The following TPM1 variants were observed in gnomAD, a reference collection of about 807,000 sequenced individuals.
The protein encoded by TPM1 is tropomyosin 1, also known as tropomyosin alpha-1 chain.
TPM1 carries 24 observed loss-of-function variants against 42.9 expected under a neutral mutation model. That is an observed-to-expected ratio of 0.56 (90% confidence interval 0.41 to 0.79). TPM1 has a LOEUF of 0.79. TPM1 is among the 30% of genes least tolerant of loss of function. The pLI, the probability that TPM1 is intolerant of heterozygous loss-of-function variation, is 0.00. For missense variants in TPM1, 158 were observed against 351.8 expected (o/e 0.45, Z 4.41); for synonymous variants, 136 against 130.1 (o/e 1.05, Z -0.31).
rs1018211120 is a variant in TPM1 at position 63,062,740 on chromosome 15, G to A, written c.772+95G>A. The A allele has an allele frequency of 5.6e-6, 9 of 1,598,582 alleles. No homozygotes were observed. In the East Asian group the frequency reaches 6.9e-5, roughly 12 times the overall value. On this transcript the variant is annotated intron_variant, in intron 8 of 9. Transcript: ENST00000403994. ...AATTCAAGGGCATCCACATTGATAC[G>A]CTCCTTTGCACTTGCACATTCTTCC...
intron 7 of TPM1, 95 bp from the exon 8 acceptor site, chr15:63,062,481 G>A: frequency 6.9e-7 from 1 of 1,439,040 alleles, no homozygotes; most frequent in Admixed American, 1.7e-5. Context: ...CATTTTATAG[G>A]TGATGTGCTT....
intron 4 of TPM1, among the ~76,000 whole-genome samples, 178 bp from the exon 5 acceptor site, chr15:63,060,688 TCTC>T (rs554457433): frequency 8.2e-4 from 125 of 152,318 alleles, no homozygotes; most frequent in African/African-American, 2.9e-3. Context: ...AAGCCTCTGA[TCTC>T]CTCTCTGCTG....
chr15:63,064,147 ACG>A lies in TPM1; in HGVS notation c.851+6_851+7del. 6.2e-7 allele frequency: 1 copy of A among 1,613,298 alleles called. No individual in the cohort carries two copies. Among genetic ancestry groups the A allele is most frequent in the Admixed American group, 1.7e-5 (1 of 59,928 alleles). ...TCTCAACGATATGACTTCCATGTAA[ACG>A]TTCATCCACTCTGCCTGCTTACACC... On this transcript the variant is annotated splice_donor_region_variant and intron_variant, in intron 9 of 9. Transcript: ENST00000403994.
chr15:63,050,860 G>C (rs1247699069), intron 2 of TPM1, among the ~76,000 whole-genome samples: 1 of 152,200 alleles, frequency 6.6e-6, no homozygotes, highest in Non-Finnish European at 1.5e-5. Flanking sequence ...TGGCAGCAAA[G>C]ATAAAGGTTT....
Position 63,060,849 on chromosome 15 carries a change from G to A in TPM1, c.493-20G>A. On this transcript the variant is annotated intron_variant, in intron 4 of 9. Transcript: ENST00000403994. ...AGCTTGCAAGACCCATGGTGTGTGT[G>A]TTGTGTCTTCCTGCTGCAGGTGGCC... is the stretch of plus-strand genomic sequence containing the variant. 6.2e-7 allele frequency: 1 copy of A among 1,614,112 alleles called. No individual in the cohort carries two copies. The highest frequency in any genetic ancestry group is 8.5e-7 in the Non-Finnish European group (1 of 1,179,950).
At chr15:63,064,525 A>C in intron 9 of TPM1, 1 of 1,091,908 alleles carries the variant, frequency 9.2e-7, no homozygotes, top group Non-Finnish European at 1.1e-6. Flanking sequence ...AAATTCAACT[A>C]AGTACAACAT....
downstream of TPM1, among the ~76,000 whole-genome samples, chr15:63,068,679 G>T (rs146395474): frequency 8.3e-3 from 1,257 of 152,268 alleles, 8 homozygotes; most frequent in South Asian, 0.022. Context: ...TCATAGCTTG[G>T]ATGTCCCCTG....
At position 63,062,865 on chromosome 15, in the gene TPM1, G is replaced by A. The variant is rs949212661; in HGVS notation, c.772+220G>A. On this transcript the variant is annotated intron_variant, in intron 8 of 9. Coordinates refer to ENST00000403994, the MANE Select transcript of TPM1 (RefSeq NM_001018005.2). ...TTAGCCACCAGCCATAGTGGCAAAT[G>A]CCATCCAGCTTGACTTCATGCTCAT... 4 of 1,519,358 alleles carry A rather than the reference G, an allele frequency of 2.6e-6. No homozygotes were observed. The African/African-American group carries it at 5.5e-5, about 21-fold the overall frequency. The allele number at this position is 1,519,358 out of a possible 1,614,324, so 94.1% of individuals were successfully genotyped here.
chr15:63,062,731 C>T (rs1231020824), intron 8 of TPM1, 86 bp downstream of exon 8: 2 of 1,606,530 alleles, frequency 1.2e-6, no homozygotes, highest in Non-Finnish European at 8.5e-7. Flanking sequence ...AGGGCATCCA[C>T]ATTGATACGC....
rs1219081065 is a variant in TPM1, at chr15:63,065,964, T to C, written c.*65T>C. On this transcript the variant is annotated 3_prime_UTR_variant, in exon 10 of 10. Coordinates refer to ENST00000403994, the MANE Select transcript of TPM1 (RefSeq NM_001018005.2). Reference sequence around the variant, plus strand: ...CTGGATGTCCCACCTCTCTGAGCTCTGCATTTGTCTATTCTCCAGCTGACC... The same window carrying C: ...CTGGATGTCCCACCTCTCTGAGCTCCGCATTTGTCTATTCTCCAGCTGACC... 1.3e-6 allele frequency: 2 copies of C among 1,595,488 alleles called. No homozygotes were observed. The highest frequency in any genetic ancestry group is 1.8e-5 in the Admixed American group (1 of 57,126).
In TPM1 at chr15:63,064,353, A is replaced by G. The variant is rs2036033927; in HGVS notation, c.851+211A>G. Reference sequence around the variant, plus strand: ...TGTCTATACAAACCATTTTCTTTTCAGAATCCGTTTATTTTGTAAACGCTG... The same window carrying G: ...TGTCTATACAAACCATTTTCTTTTCGGAATCCGTTTATTTTGTAAACGCTG... On this transcript the variant is annotated intron_variant, in intron 9 of 9. Transcript: ENST00000403994. 2.1e-6 allele frequency: 3 copies of G among 1,432,760 alleles called. No homozygotes were observed. The African/African-American group carries it at 4.3e-5, about 20-fold the overall frequency. 88.8% of individuals were successfully genotyped at this position (1,432,760 alleles called of 1,614,324 possible). A position where few individuals can be genotyped will look rare whatever the true frequency, so the allele number is the denominator to read the frequency against.
intron 2 of TPM1, chr15:63,047,186 A>G (rs1029760449): frequency 2.6e-5 from 4 of 152,328 alleles, no homozygotes; most frequent in African/African-American, 9.6e-5. Flanking sequence ...GCTCCCACCT[A>G]CAGGATGCAA....
intron 2 of TPM1, chr15:63,048,312 C>T: frequency 1.1e-6 from 1 of 930,448 alleles, no homozygotes; most frequent in East Asian, 4.2e-5. Context: ...CCGCCGCGAG[C>T]ATGCGCAGTG....
chr15:63,047,886 C>T (rs2032740813), intron 2 of TPM1: 1 of 227,056 alleles, frequency 4.4e-6, no homozygotes, highest in Non-Finnish European at 8.9e-6. Flanking sequence ...TCCGAAGTCA[C>T]GCAGCAGGAA....
intron 3 of TPM1, among the ~76,000 whole-genome samples, chr15:63,058,286 C>A (rs1312170031): frequency 6.6e-6 from 1 of 152,018 alleles, no homozygotes. Context: ...TCATTTAGTC[C>A]CTTAGTTTTA....
intron 2 of TPM1, chr15:63,054,482 T>G (rs4468558): frequency 1.3e-5 from 2 of 152,094 alleles, no homozygotes; most frequent in South Asian, 2.1e-4. Context: ...GAGGTGCTGT[T>G]TCCTTCCTTT....
At chr15:63,070,373 G>A, downstream of TPM1, 1 of 995,638 alleles carries the variant, frequency 1.0e-6, no homozygotes, top group Non-Finnish European at 1.2e-6. Flanking sequence ...TAAATATCTG[G>A]TATAGTGTTT....
chr15:63,058,798 A>G (rs1219439034), intron 3 of TPM1, among the ~76,000 whole-genome samples: 2 of 152,334 alleles, frequency 1.3e-5, no homozygotes, highest in Non-Finnish European at 2.9e-5. Context: ...TTGTTATTCC[A>G]TATATCTGTA....
At chr15:63,064,859 C>T (rs1383279264) in intron 9 of TPM1, 8 of 545,260 alleles carry the variant, frequency 1.5e-5, no homozygotes, top group Admixed American at 6.4e-5. Flanking sequence ...CCCAGCTACT[C>T]AGGAGGCTGA....
Sources: gnomAD v4.1 joint callset for allele counts (sites outside exome capture counted in the v4.1 genomes callset) on GRCh38, gnomAD v4.1.1 for gene constraint, MANE v1.5 for transcripts, NCBI Gene and HGNC (gene_info 2026-07-23, HGNC 2026-07-21) for gene names.